Variants in AHCY observed in about 807,000 individuals in gnomAD.
AHCY encodes the protein adenosylhomocysteinase, also known as S-adenosyl-L-homocysteine hydrolase.
In AHCY, 24 loss-of-function variants were observed where a neutral mutation model predicts 45.4. The observed-to-expected ratio is 0.53, with a 90% CI of 0.38 to 0.74. AHCY has a LOEUF of 0.74. Among genes scored for constraint, AHCY ranks in the 30% least tolerant of loss-of-function variants. The pLI, the probability that AHCY is intolerant of heterozygous loss-of-function variation, is 0.00. For synonymous variants in AHCY, 245 were observed against 235.1 expected, an observed-to-expected ratio of 1.04 and a Z score of -0.39; for missense variants, 449 against 594.1, an observed-to-expected ratio of 0.76 and a Z score of 2.54.
Position 34,303,273 on chromosome 20 carries a change from T to TG in AHCY, c.-4dup, listed in dbSNP as rs768861185. The stretch of plus-strand genomic sequence containing the variant: ...TTGTAGGGCAGTTTGTCAGACATGC[T>TG]GGCGGCACTCGTGATGGAAACGGGC... On this transcript the variant is annotated 5_prime_UTR_variant, in exon 1 of 10. Coordinates refer to ENST00000217426, the MANE Select transcript of AHCY (RefSeq NM_000687.4). The TG allele has an allele frequency of 3.9e-6, 6 of 1,551,726 alleles. No individual in the cohort carries two copies. Among genetic ancestry groups the TG allele is most frequent in the Non-Finnish European group, 5.2e-6 (6 of 1,146,998 alleles).
chr20:34,245,282 T>C, the AHCY span, among the ~76,000 whole-genome samples: 5 of 137,330 alleles, frequency 3.6e-5, no homozygotes, highest in African/African-American at 5.5e-5. Flanking sequence ...GGCAGTGAGC[T>C]GAGATCATGC....
the AHCY span, chr20:34,260,404 CCTG>C: frequency 6.2e-7 from 1 of 1,614,030 alleles, no homozygotes; most frequent in African/African-American, 1.3e-5. Context: ...TCCTGGCCAC[CCTG>C]CTGGTCTTCC....
chr20:34,236,401 A>G, the AHCY span, among the ~76,000 whole-genome samples: 1 of 152,132 alleles, frequency 6.6e-6, no homozygotes, highest in African/African-American at 2.4e-5. Context: ...AAAATTAGCC[A>G]GGCATGGTGG....
chr20:34,287,287 C>T (rs1317981410), intron 8 of AHCY, among the ~76,000 whole-genome samples: 1 of 152,146 alleles, frequency 6.6e-6, no homozygotes, highest in Non-Finnish European at 1.5e-5. Context: ...GAGACCAAAG[C>T]CAGTGATGGA....
chr20:34,252,174 A>G, the AHCY span, among the ~76,000 whole-genome samples: 45 of 152,340 alleles, frequency 3.0e-4, no homozygotes, highest in East Asian at 8.1e-3. Context: ...AGAGACTGAG[A>G]AAAGAAATAA....
chr20:34,294,747 C>T (rs766335649), intron 2 of AHCY, among the ~76,000 whole-genome samples: 16 of 152,132 alleles, frequency 1.1e-4, no homozygotes, highest in Non-Finnish European at 2.1e-4. Flanking sequence ...TCAACGCCCC[C>T]GCTCCTGGAT....
chr20:34,291,537 C>T lies in AHCY; in HGVS notation c.446-6G>A. ...CTCAGAGATGCCTCGGATGCCTAAA[C>T]AAGAGGGGACAGGACAAGCCTCAGA... On this transcript the variant is annotated splice_polypyrimidine_tract_variant and splice_region_variant and intron_variant, in intron 4 of 9. Transcript: ENST00000217426. 6.2e-7 allele frequency: 1 copy of T among 1,612,488 alleles called. No homozygotes were observed. Among genetic ancestry groups the T allele is most frequent in the Non-Finnish European group, 8.5e-7 (1 of 1,178,564 alleles).
At chr20:34,248,032 A>G in the AHCY span, among the ~76,000 whole-genome samples, 4 of 151,926 alleles carry the variant, frequency 2.6e-5, no homozygotes, top group Non-Finnish European at 4.4e-5. Context: ...ATGGTGAAAC[A>G]CTGTCGCTAC....
At chr20:34,305,043 G>T (rs944506284), upstream of AHCY, among the ~76,000 whole-genome samples, 1 of 150,678 alleles carries the variant, frequency 6.6e-6, no homozygotes, top group Non-Finnish European at 1.5e-5. Flanking sequence ...CTGGCCGGGC[G>T]CGTGGCTCAC....
At chr20:34,265,853 G>A in the AHCY span, among the ~76,000 whole-genome samples, 4 of 151,990 alleles carry the variant, frequency 2.6e-5, no homozygotes, top group Non-Finnish European at 4.4e-5. Context: ...AGGAGACTGA[G>A]GCAGGAGAAT....
chr20:34,243,553 G>C, the AHCY span, among the ~76,000 whole-genome samples: 1 of 152,006 alleles, frequency 6.6e-6, no homozygotes, highest in South Asian at 2.1e-4. Context: ...AACTGCATTT[G>C]CTAAGAACTG....
chr20:34,310,184 G>C (rs1300595631), intron 1 of AHCY, among the ~76,000 whole-genome samples: 1 of 152,048 alleles, frequency 6.6e-6, no homozygotes, highest in Non-Finnish European at 1.5e-5. Context: ...CTCCCAAGTA[G>C]CTGGGATTAC....
At chr20:34,253,447 T>TTTTATTTA in the AHCY span, among the ~76,000 whole-genome samples, 243 of 103,808 alleles carry the variant, frequency 2.3e-3, 2 homozygotes, top group East Asian at 0.012. Flanking sequence ...TTTTATTTTA[T>TTTTATTTA]TTTATTTATT....
At chr20:34,293,969 G>T in intron 3 of AHCY, 112 bp downstream of exon 3, 1 of 1,086,504 alleles carries the variant, frequency 9.2e-7, no homozygotes, top group Non-Finnish European at 1.4e-6. Context: ...TTGTGGCGGT[G>T]ACTCCTCTCC....
At chr20:34,241,783 A>G in the AHCY span, among the ~76,000 whole-genome samples, 1 of 152,170 alleles carries the variant, frequency 6.6e-6, no homozygotes, top group East Asian at 1.9e-4. Context: ...CTAAATATCG[A>G]CCCTGACCCC....
chr20:34,234,609 C>G, the AHCY span, among the ~76,000 whole-genome samples: 1 of 152,026 alleles, frequency 6.6e-6, no homozygotes, highest in South Asian at 2.1e-4. Context: ...ATAAACCAGC[C>G]TGACCAACAT....
chr20:34,289,472 C>CTT (rs762670836), intron 8 of AHCY, among the ~76,000 whole-genome samples: 90 of 106,362 alleles, frequency 8.5e-4, no homozygotes, highest in African/African-American at 1.9e-3. Flanking sequence ...TGTACCTGGC[C>CTT]TTTTTTTTTT....
the AHCY span, among the ~76,000 whole-genome samples, chr20:34,259,105 G>A: frequency 6.6e-6 from 1 of 151,594 alleles, no homozygotes; most frequent in African/African-American, 2.4e-5. Context: ...AGCTACTCAG[G>A]AGGATGAGGT....
At chr20:34,307,654 G>A (rs2122849685), upstream of AHCY, among the ~76,000 whole-genome samples, 1 of 152,192 alleles carries the variant, frequency 6.6e-6, no homozygotes, top group East Asian at 1.9e-4. Flanking sequence ...TTACAGGCGT[G>A]AGCCACCGTG....
Sources: allele counts gnomAD v4.1 joint callset (sites outside exome capture counted in the v4.1 genomes callset), GRCh38; gene constraint gnomAD v4.1.1; transcripts MANE v1.5; gene names NCBI Gene and HGNC (gene_info 2026-07-23, HGNC 2026-07-21).